The following ADGRV1 variants were observed in gnomAD, a reference collection of about 807,000 sequenced individuals.
ADGRV1 encodes the protein adhesion G protein-coupled receptor V1.
A neutral mutation model predicts 596.2 loss-of-function variants in ADGRV1; 359 were observed. The ratio of observed to expected loss-of-function variants is 0.60; its 90% CI spans 0.55 to 0.66. The LOEUF is 0.66. Among genes scored for constraint, ADGRV1 ranks in the 30% least tolerant of loss-of-function variants. The probability of loss-of-function intolerance (pLI) is 0.00; values close to 1 mark genes in which losing one functional copy is unlikely to be tolerated. For synonymous variants in ADGRV1, 2,681 were observed against 2,679.2 expected, an observed-to-expected ratio of 1.00 and a Z score of -0.02; for missense variants, 7,274 against 7,575.6, an observed-to-expected ratio of 0.96 and a Z score of 1.48.
In ADGRV1 at chr5:90,853,545, T is replaced by G; in HGVS notation, c.17454+12T>G. The G allele has an allele frequency of 6.2e-7, 1 of 1,603,646 alleles. No homozygotes were observed. Among genetic ancestry groups the G allele is most frequent in the Non-Finnish European group, 8.5e-7 (1 of 1,173,696 alleles). ...CCCTAAAAAATAAGGTAATCTTTCA[T>G]TCAAAACACTTATGTGGTTGGAATC... On this transcript the variant is annotated intron_variant, in intron 80 of 89. Transcript: ENST00000405460.
chr5:90,889,329 CTG>C (rs1279077841), intron 83 of ADGRV1, among the ~76,000 whole-genome samples: 1 of 152,092 alleles, frequency 6.6e-6, no homozygotes, highest in African/African-American at 2.4e-5. Flanking sequence ...TGAACCTACT[CTG>C]TGGAGGTTGA....
chr5:90,754,933 T>C, intron 54 of ADGRV1, 50 bp from the exon 55 acceptor site: 2 of 1,323,760 alleles, frequency 1.5e-6, no homozygotes, highest in South Asian at 1.2e-5. Context: ...TGTAACAGCA[T>C]TGACAGCAAA....
intron 86 of ADGRV1, among the ~76,000 whole-genome samples, chr5:91,075,589 A>T (rs1437830398): frequency 6.6e-6 from 1 of 152,184 alleles, no homozygotes; most frequent in East Asian, 1.9e-4. Context: ...TTGTTGTGTT[A>T]CAAATTTAAA....
At chr5:90,874,254 G>A (rs1768995639) in intron 83 of ADGRV1, among the ~76,000 whole-genome samples, 1 of 152,078 alleles carries the variant, frequency 6.6e-6, no homozygotes, top group African/African-American at 2.4e-5. Context: ...TAATACCTAA[G>A]CCTGGAAAGT....
At chr5:90,891,226 T>C (rs1473300443) in intron 83 of ADGRV1, among the ~76,000 whole-genome samples, 1 of 149,486 alleles carries the variant, frequency 6.7e-6, no homozygotes, top group Non-Finnish European at 1.5e-5. Context: ...TTAGACTTCC[T>C]TTTGATTAGA....
chr5:90,898,265 C>T (rs1771512353), intron 83 of ADGRV1, among the ~76,000 whole-genome samples: 1 of 152,134 alleles, frequency 6.6e-6, no homozygotes, highest in African/African-American at 2.4e-5. Flanking sequence ...ATGGATAACA[C>T]TTTCTGTTCA....
At position 90,855,891 on chromosome 5, in the gene ADGRV1, A is replaced by G. The variant is rs368829150; in HGVS notation, c.17745A>G (p.Ile5915Met). The G allele has an allele frequency of 1.9e-6, 3 of 1,611,690 alleles. No homozygotes were observed. The highest frequency in any genetic ancestry group is 2.7e-5 in the African/African-American group (2 of 75,006). The change falls in exon 82 of 90, where the codon ATA becomes ATG. Residue 5915 changes from isoleucine to methionine, a missense_variant. Transcript: ENST00000405460. ...YNEAFFTSGF[I>M]CISGLCLAVL... ...AAGCCTTCTTCACTTCTGGATTTAT[A>G]TGTATCTCAGGTCAGTGACAGTATT...
chr5:91,142,491 G>A (rs1195028027), intron 87 of ADGRV1, among the ~76,000 whole-genome samples: 1 of 152,196 alleles, frequency 6.6e-6, no homozygotes, highest in Non-Finnish European at 1.5e-5. Context: ...ACCTGAAGAT[G>A]TCCCTCAACT....
At chr5:91,072,626 T>C in intron 86 of ADGRV1, 22 bp downstream of exon 86, 2 of 1,598,718 alleles carry the variant, frequency 1.3e-6, no homozygotes, top group African/African-American at 2.7e-5. Context: ...ACTATATTTG[T>C]ACTTTGGAGA....
chr5:91,102,487 A>T, intron 87 of ADGRV1, 147 bp downstream of exon 87: 1 of 599,246 alleles, frequency 1.7e-6, no homozygotes, highest in Non-Finnish European at 2.6e-6. Context: ...ATAAAATGAT[A>T]GGAACCTAAA....
intron 79 of ADGRV1, among the ~76,000 whole-genome samples, chr5:90,851,895 A>C (rs1766567854): frequency 6.6e-6 from 1 of 152,166 alleles, no homozygotes; most frequent in Non-Finnish European, 1.5e-5. Context: ...GTCTCAGTAG[A>C]TGACAAAGGG....
intron 85 of ADGRV1, among the ~76,000 whole-genome samples, chr5:91,014,604 A>G (rs948443470): frequency 2.0e-4 from 26 of 131,146 alleles, no homozygotes; most frequent in Admixed American, 6.2e-4. Context: ...AATTTATTTC[A>G]TCCTGATTCA....
rs560452612 is a variant in ADGRV1 at position 90,618,708 on chromosome 5, C to T, written c.358-378C>T. ...AATAACTAATTCTAAAGTTCCAGTA[C>T]CTTCAATAGCATAGGAAAAATTACA... On this transcript the variant is annotated intron_variant, in intron 3 of 89. Coordinates refer to ENST00000405460, the MANE Select transcript of ADGRV1 (RefSeq NM_032119.4). 1.7e-4 allele frequency among the ~76,000 whole-genome samples: 26 copies of T among 152,086 alleles called. No homozygotes were observed. The South Asian group carries it at 5.0e-3, about 29-fold the overall frequency.
chr5:90,974,595 A>G (rs1033199621), intron 84 of ADGRV1, among the ~76,000 whole-genome samples: 2,063 of 152,032 alleles, frequency 0.014, 41 homozygotes, highest in African/African-American at 0.046. Context: ...AACAAGCAAT[A>G]GGGAAAGGAT....
chr5:90,725,657 G>T lies in ADGRV1; in HGVS notation c.10161+1G>T. 7.0e-7 allele frequency: 1 copy of T among 1,420,644 alleles called. No individual in the cohort carries two copies. Among genetic ancestry groups the T allele is most frequent in the Non-Finnish European group, 9.8e-7 (1 of 1,020,896 alleles). 88.0% of individuals were successfully genotyped at this position (1,420,644 alleles called of 1,614,324 possible). ...AAGAGATGATTCCGAATTAACTCAG[G>T]TTTGATTCTTTTAAAATGAAGTGGG... is the stretch of plus-strand genomic sequence containing the variant. On this transcript the variant is annotated splice_donor_variant, in intron 48 of 89. Transcript: ENST00000405460. LOFTEE classifies it high-confidence loss of function.
chr5:90,641,019 A>G (rs1332156408), intron 11 of ADGRV1, among the ~76,000 whole-genome samples: 2 of 152,114 alleles, frequency 1.3e-5, no homozygotes, highest in East Asian at 1.9e-4. Flanking sequence ...GTGCAGTTTC[A>G]TTTTCTAATG....
intron 52 of ADGRV1, among the ~76,000 whole-genome samples, chr5:90,748,218 A>G (rs1033135188): frequency 1.3e-5 from 2 of 152,078 alleles, no homozygotes; most frequent in Non-Finnish European, 2.9e-5. Context: ...TTACACTACT[A>G]CTCAATCTGG....
rs1758423042 is a variant in ADGRV1 at position 90,777,970 on chromosome 5, TG to T, written c.12598del (p.Glu4200AsnfsTer9). 6 of 1,609,938 alleles carry T rather than the reference TG, an allele frequency of 3.7e-6. No individual in the cohort carries two copies. The highest frequency in any genetic ancestry group is 1.1e-5 in the South Asian group (1 of 90,182). On this transcript the variant is annotated frameshift_variant, in exon 62 of 90. Transcript: ENST00000405460. LOFTEE classifies it high-confidence loss of function. ...TTCTGGAGGATATTCCCTCCTTCCG[TG>T]GGGGAATTTGCTGAAACATCAGGAA... is the stretch of plus-strand genomic sequence containing the variant. ...TVFWRIFPPS[V>X]GEFAETSGKL...
intron 59 of ADGRV1, among the ~76,000 whole-genome samples, chr5:90,764,594 G>C (rs537054758): frequency 4.6e-4 from 70 of 152,226 alleles, no homozygotes; most frequent in African/African-American, 1.7e-3. Flanking sequence ...CATTTCCTTT[G>C]TCCCAAGGGG....
Sources: allele counts gnomAD v4.1 joint callset (sites outside exome capture counted in the v4.1 genomes callset), GRCh38; gene constraint gnomAD v4.1.1; transcripts MANE v1.5; gene names NCBI Gene and HGNC (gene_info 2026-07-23, HGNC 2026-07-21).